The following CTNND2 variants were observed in gnomAD, a reference collection of about 807,000 sequenced individuals.
CTNND2 encodes catenin delta-2.
Under a neutral mutation model 144.4 loss-of-function variants are expected in CTNND2, and 22 were observed. The observed-to-expected ratio is 0.15, with a 90% CI of 0.11 to 0.22. The LOEUF (loss-of-function observed/expected upper bound fraction) is 0.22. Ranked by LOEUF, CTNND2 falls within the 10% of genes least tolerant of loss-of-function variation. The pLI is 1.00. For missense variants in CTNND2, 1,353 were observed against 1,618.8 expected (o/e 0.84, Z 2.82); for synonymous variants, 751 against 695.6 (o/e 1.08, Z -1.25).
chr5:11,027,020 A>G (rs1742913746), intron 16 of CTNND2, among the ~76,000 whole-genome samples: 1 of 152,230 alleles, frequency 6.6e-6, no homozygotes, highest in Non-Finnish European at 1.5e-5. Flanking sequence ...AATTAGTTAT[A>G]TTACTTATAT....
chr5:11,713,085 T>C (rs1786128050), intron 2 of CTNND2, among the ~76,000 whole-genome samples: 1 of 152,204 alleles, frequency 6.6e-6, no homozygotes, highest in African/African-American at 2.4e-5. Flanking sequence ...CCTCTCCTTA[T>C]GAAAAATTAT....
intron 9 of CTNND2, among the ~76,000 whole-genome samples, chr5:11,244,209 AT>A (rs1490997727): frequency 6.6e-6 from 1 of 152,110 alleles, no homozygotes; most frequent in East Asian, 1.9e-4. Flanking sequence ...CAATTAACAT[AT>A]AAAAGTATTA....
At chr5:11,176,855 C>T (rs1341128591) in intron 11 of CTNND2, among the ~76,000 whole-genome samples, 1 of 152,008 alleles carries the variant, frequency 6.6e-6, no homozygotes, top group Non-Finnish European at 1.5e-5. Context: ...ATGTTCCTAC[C>T]CTGCAGGAGG....
At chr5:11,402,386 T>A (rs1024331854) in intron 5 of CTNND2, among the ~76,000 whole-genome samples, 1 of 152,152 alleles carries the variant, frequency 6.6e-6, no homozygotes, top group African/African-American at 2.4e-5. Context: ...ATGAGAAAAA[T>A]TGTTGATTAT....
At chr5:11,135,375 A>G (rs1044996840) in intron 12 of CTNND2, among the ~76,000 whole-genome samples, 1 of 152,194 alleles carries the variant, frequency 6.6e-6, no homozygotes, top group Non-Finnish European at 1.5e-5. Context: ...CTTATTATCC[A>G]TCATTTTATA....
chr5:11,304,403 C>G (rs560807304), intron 9 of CTNND2, among the ~76,000 whole-genome samples: 2 of 152,184 alleles, frequency 1.3e-5, no homozygotes, highest in African/African-American at 4.8e-5. Flanking sequence ...CACACTTACA[C>G]ACACACACAA....
intron 2 of CTNND2, among the ~76,000 whole-genome samples, chr5:11,711,985 T>C (rs1229370912): frequency 6.6e-6 from 1 of 152,230 alleles, no homozygotes; most frequent in Non-Finnish European, 1.5e-5. Context: ...GTTCAAACAC[T>C]GACTTCTAGT....
At chr5:11,365,673 C>A (rs565119635) in intron 7 of CTNND2, among the ~76,000 whole-genome samples, 1 of 152,084 alleles carries the variant, frequency 6.6e-6, no homozygotes, top group African/African-American at 2.4e-5. Context: ...CAGAGAATCA[C>A]GAGAAAGTCT....
At chr5:11,567,030 T>C (rs545496701) in intron 2 of CTNND2, among the ~76,000 whole-genome samples, 16 of 152,360 alleles carry the variant, frequency 1.1e-4, no homozygotes, top group African/African-American at 3.8e-4. Flanking sequence ...TATGTGGTTC[T>C]CATTTTGGAA....
Position 11,199,590 on chromosome 5 carries a change from A to T in CTNND2, c.1833T>A (p.Ser611Arg), listed in dbSNP as rs774240508. 1.2e-6 allele frequency: 2 copies of T among 1,614,086 alleles called. No homozygotes were observed. The highest frequency in any genetic ancestry group is 1.7e-5 in the Admixed American group (1 of 60,008). ...LDHRMTEVHR[S>R]ACGALRNLVY... ...CCAGGTTTCTCAGAGCTCCACAGGC[A>T]CTACGGTGGACTTCGGTCATCCGAT... The change falls in exon 11 of 22, where the codon AGT (serine) becomes AGA (arginine). Residue 611 changes from serine to arginine, a missense_variant. By Grantham distance (110) the Ser-to-Arg change is moderately radical. Around this residue, in one of 4 missense-constraint regions of CTNND2, gnomAD observed 69 missense variants for 120.3 expected, o/e 0.57. Transcript: ENST00000304623.
intron 1 of CTNND2, among the ~76,000 whole-genome samples, chr5:11,837,633 T>C (rs1270303158): frequency 6.6e-6 from 1 of 152,214 alleles, no homozygotes; most frequent in Non-Finnish European, 1.5e-5. Context: ...TGAGTATCTT[T>C]AGGAACAAGT....
intron 9 of CTNND2, among the ~76,000 whole-genome samples, chr5:11,245,137 G>A (rs181561555): frequency 1.6e-3 from 238 of 152,290 alleles, no homozygotes; most frequent in Admixed American, 6.7e-3. Flanking sequence ...GAACAAAGGC[G>A]AAAAGGGGCT....
intron 1 of CTNND2, among the ~76,000 whole-genome samples, chr5:11,863,152 T>G (rs1251504542): frequency 6.6e-6 from 1 of 152,240 alleles, no homozygotes; most frequent in Non-Finnish European, 1.5e-5. Flanking sequence ...TTAAAAGCTT[T>G]TTCTTTATGA....
intron 2 of CTNND2, among the ~76,000 whole-genome samples, chr5:11,640,473 G>T (rs923886383): frequency 1.5e-4 from 23 of 152,266 alleles, no homozygotes; most frequent in African/African-American, 5.5e-4. Context: ...TTGATATGTG[G>T]ACATCTATAA....
intron 2 of CTNND2, among the ~76,000 whole-genome samples, chr5:11,598,676 C>A (rs1277452642): frequency 6.6e-6 from 1 of 152,026 alleles, no homozygotes; most frequent in Non-Finnish European, 1.5e-5. Flanking sequence ...AGATGAAGAG[C>A]TGGGAAAATA....
chr5:11,645,836 G>A (rs1030893382), intron 2 of CTNND2, among the ~76,000 whole-genome samples: 6 of 152,096 alleles, frequency 3.9e-5, no homozygotes, highest in Non-Finnish European at 8.8e-5. Context: ...AGTACAGTAG[G>A]AAATTTCATC....
chr5:11,421,211 G>A (rs1462933056), intron 3 of CTNND2, among the ~76,000 whole-genome samples: 1 of 152,100 alleles, frequency 6.6e-6, no homozygotes. Flanking sequence ...ACCATAAAAG[G>A]ACAAAAGGAA....
chr5:11,518,644 T>C (rs902820074), intron 3 of CTNND2, among the ~76,000 whole-genome samples: 2 of 152,210 alleles, frequency 1.3e-5, no homozygotes, highest in Admixed American at 6.5e-5. Context: ...AAAAATCTTT[T>C]ATATTTTATA....
intron 1 of CTNND2, among the ~76,000 whole-genome samples, chr5:11,821,896 C>T (rs974793664): frequency 6.6e-6 from 1 of 152,080 alleles, no homozygotes; most frequent in Non-Finnish European, 1.5e-5. Flanking sequence ...TCCTAATAAA[C>T]CACCAGCCCA....
Sources: allele counts gnomAD v4.1 joint callset (sites outside exome capture counted in the v4.1 genomes callset), GRCh38; gene constraint gnomAD v4.1.1; regional missense constraint gnomAD v4.1.1; transcripts MANE v1.5; gene names NCBI Gene and HGNC (gene_info 2026-07-23, HGNC 2026-07-21).